Variants in NALF1 observed in about 807,000 individuals in gnomAD.
NALF1 encodes the protein family with sequence similarity 155 member A.
A neutral mutation model predicts 48.4 loss-of-function variants in NALF1; 3 were observed. The observed-to-expected ratio is 0.06, with a 90% CI of 0.03 to 0.16. The LOEUF is 0.16. NALF1 is among the 10% of genes least tolerant of loss of function. NALF1 has a pLI of 1.00. For synonymous variants in NALF1, 262 were observed against 245.7 expected (o/e 1.07, Z -0.62); for missense variants, 526 against 571.5 (o/e 0.92, Z 0.81).
chr13:107,284,758 A>G (rs9555340), intron 1 of NALF1, among the ~76,000 whole-genome samples: 41,684 of 151,278 alleles, frequency 0.28, 6,277 homozygotes, highest in Non-Finnish European at 0.33. Flanking sequence ...CACAGAGAAG[A>G]CGTCATGTGG....
chr13:107,364,088 T>A, intron 1 of NALF1, among the ~76,000 whole-genome samples: 1 of 152,242 alleles, frequency 6.6e-6, no homozygotes, highest in East Asian at 1.9e-4. Flanking sequence ...ATATTTGGAA[T>A]GTTTTTCTTT....
intron 1 of NALF1, among the ~76,000 whole-genome samples, chr13:107,358,776 G>A (rs960177345): frequency 6.6e-6 from 1 of 152,012 alleles, no homozygotes; most frequent in Admixed American, 6.6e-5. Context: ...CAATATGCAC[G>A]AGTGAAATGT....
rs1050564257 is a variant in NALF1, at chr13:107,317,337, C to T, written c.916-106582G>A. ...AAACTATCATTAAAGCATATCTGTA[C>T]TGGGGTGCCAATCACCGATTTTTAA... is the stretch of plus-strand genomic sequence containing the variant. On this transcript the variant is annotated intron_variant, in intron 1 of 2. Transcript: ENST00000375915. Among the ~76,000 whole-genome samples, 8 of 152,142 alleles carry T rather than the reference C, an allele frequency of 5.3e-5. No individual in the cohort carries two copies. In the South Asian group the frequency reaches 1.7e-3, roughly 32 times the overall value.
chr13:107,744,922 G>A (rs566710843), intron 1 of NALF1, among the ~76,000 whole-genome samples: 18 of 152,208 alleles, frequency 1.2e-4, no homozygotes, highest in South Asian at 2.1e-4. Flanking sequence ...TCATCTCACC[G>A]TGACTGTCAC....
intron 2 of NALF1, 136 bp from the exon 3 acceptor site, chr13:107,170,922 C>CA (rs1209846762): frequency 1.3e-6 from 1 of 749,430 alleles, no homozygotes; most frequent in Non-Finnish European, 2.1e-6. Flanking sequence ...AAAATCAAGT[C>CA]AATGCAATTG....
chr13:107,457,538 T>G (rs1318777569), intron 1 of NALF1, among the ~76,000 whole-genome samples: 1 of 152,192 alleles, frequency 6.6e-6, no homozygotes, highest in East Asian at 1.9e-4. Context: ...AATACAACCT[T>G]AACATTCAGA....
At chr13:107,573,628 G>A (rs967254771) in intron 1 of NALF1, among the ~76,000 whole-genome samples, 4 of 152,118 alleles carry the variant, frequency 2.6e-5, no homozygotes, top group Admixed American at 1.3e-4. Context: ...TGATTTGGTT[G>A]TGTCCCCACC....
At chr13:107,326,167 G>A (rs1882361400) in intron 1 of NALF1, among the ~76,000 whole-genome samples, 1 of 151,866 alleles carries the variant, frequency 6.6e-6, no homozygotes, top group South Asian at 2.1e-4. Context: ...TCAAGAGGCT[G>A]GGATTGGAGT....
At position 107,825,678 on chromosome 13, in the gene NALF1, A is replaced by C. The variant is rs544050316; in HGVS notation, c.915+40004T>G. Among the ~76,000 whole-genome samples, 254 of 152,380 alleles carry C rather than the reference A, an allele frequency of 1.7e-3. 1 individual carries two copies. Among genetic ancestry groups the C allele is most frequent in the African/African-American group, 5.9e-3 (245 of 41,592 alleles). ...ACTAATATAAAGTTCTTCACCCATG[A>C]AAATCTGTGAAAAGAGGAGAAACTT... On this transcript the variant is annotated intron_variant, in intron 1 of 2. Coordinates refer to ENST00000375915, the MANE Select transcript of NALF1 (RefSeq NM_001080396.3).
chr13:107,303,284 A>G (rs1211703164), intron 1 of NALF1, among the ~76,000 whole-genome samples: 2 of 152,188 alleles, frequency 1.3e-5, no homozygotes, highest in Non-Finnish European at 2.9e-5. Flanking sequence ...ATATTAAATC[A>G]TCATCACAAA....
chr13:107,518,095 T>A (rs969275620), intron 1 of NALF1, among the ~76,000 whole-genome samples: 2 of 152,074 alleles, frequency 1.3e-5, no homozygotes, highest in African/African-American at 4.8e-5. Flanking sequence ...TGCACTGAAA[T>A]AAGTGAGAGA....
intron 1 of NALF1, among the ~76,000 whole-genome samples, chr13:107,273,499 T>C (rs1258342832): frequency 1.7e-4 from 26 of 152,234 alleles, no homozygotes; most frequent in Admixed American, 1.6e-3. Flanking sequence ...ATTTTATTAA[T>C]ATCATTCTCA....
At chr13:107,780,131 T>G (rs920388166) in intron 1 of NALF1, among the ~76,000 whole-genome samples, 4 of 152,010 alleles carry the variant, frequency 2.6e-5, no homozygotes, top group African/African-American at 9.7e-5. Flanking sequence ...TTGTGGCCCG[T>G]GGCAATCTCC....
At chr13:107,486,012 A>G (rs944482726) in intron 1 of NALF1, among the ~76,000 whole-genome samples, 1 of 152,206 alleles carries the variant, frequency 6.6e-6, no homozygotes, top group Non-Finnish European at 1.5e-5. Context: ...CTTAAAAGTC[A>G]TATTTTTCCA....
chr13:107,408,728 A>G (rs2138998545), intron 1 of NALF1, among the ~76,000 whole-genome samples: 1 of 152,288 alleles, frequency 6.6e-6, no homozygotes, highest in South Asian at 2.1e-4. Context: ...TGCATTCACA[A>G]AGCCTTATTC....
At chr13:107,748,176 G>T (rs1876836830) in intron 1 of NALF1, among the ~76,000 whole-genome samples, 1 of 152,098 alleles carries the variant, frequency 6.6e-6, no homozygotes, top group Non-Finnish European at 1.5e-5. Flanking sequence ...AAAAGGATAA[G>T]AAAATGAAAA....
intron 1 of NALF1, among the ~76,000 whole-genome samples, chr13:107,782,287 G>T (rs879665780): frequency 6.8e-4 from 103 of 152,308 alleles, no homozygotes; most frequent in Non-Finnish European, 2.2e-4. Flanking sequence ...GCTCCTTACC[G>T]CGAGTGATCC....
intron 1 of NALF1, among the ~76,000 whole-genome samples, chr13:107,659,077 C>A (rs1880658671): frequency 6.7e-6 from 1 of 150,226 alleles, no homozygotes; most frequent in Non-Finnish European, 1.5e-5. Flanking sequence ...TTTGGAATAC[C>A]CCCCTCAACT....
intron 1 of NALF1, among the ~76,000 whole-genome samples, chr13:107,635,395 A>G (rs927741876): frequency 3.3e-5 from 5 of 151,426 alleles, no homozygotes; most frequent in African/African-American, 1.2e-4. Flanking sequence ...AAAAAATCAG[A>G]TCTCTTGAAA....
Sources: allele counts gnomAD v4.1 joint callset (sites outside exome capture counted in the v4.1 genomes callset), GRCh38; gene constraint gnomAD v4.1.1; transcripts MANE v1.5; gene names NCBI Gene and HGNC (gene_info 2026-07-23, HGNC 2026-07-21).